The following ASAH2 variants were observed in gnomAD, a reference collection of about 807,000 sequenced individuals.
ASAH2 encodes the protein N-acylsphingosine amidohydrolase 2.
In ASAH2, 58 loss-of-function variants were observed where a neutral mutation model predicts 82.9. The ratio of observed to expected loss-of-function variants is 0.70; its 90% CI spans 0.57 to 0.87. The LOEUF (loss-of-function observed/expected upper bound fraction) is 0.87. ASAH2 is among the 40% of genes least tolerant of loss of function. The probability of loss-of-function intolerance (pLI) is 0.00; values close to 1 mark genes in which losing one functional copy is unlikely to be tolerated. For synonymous variants in ASAH2, 276 were observed against 289.7 expected (o/e 0.95, Z 0.48); for missense variants, 779 against 834.0 (o/e 0.93, Z 0.81).
chr10:50,224,192 C>G (rs921739440), intron 7 of ASAH2, among the ~76,000 whole-genome samples: 2,753 of 152,176 alleles, frequency 0.018, 35 homozygotes, highest in Middle Eastern at 0.034. Flanking sequence ...GTAGTACCTG[C>G]ATTTGACAAT....
chr10:50,238,708 C>G (rs1256243645), intron 4 of ASAH2, among the ~76,000 whole-genome samples: 5 of 152,266 alleles, frequency 3.3e-5, no homozygotes, highest in East Asian at 1.9e-4. Flanking sequence ...TCCCTAACCC[C>G]ATCCTATTTA....
At position 50,245,072 on chromosome 10, in the gene ASAH2, T is replaced by C. The variant is rs1409316917; in HGVS notation, c.360+150A>G. On this transcript the variant is annotated intron_variant, in intron 3 of 20. Coordinates refer to ENST00000682911, the MANE Select transcript of ASAH2 (RefSeq NM_019893.4). Reference sequence around the variant, plus strand: ...AAAAGTTTTCCTCTTCCTTCTAGTATGAAATTCATAGTGCTAGACAGCAGC... The same window carrying C: ...AAAAGTTTTCCTCTTCCTTCTAGTACGAAATTCATAGTGCTAGACAGCAGC... 8 of 728,240 alleles carry C rather than the reference T, an allele frequency of 1.1e-5. No individual in the cohort carries two copies. In the Admixed American group the frequency reaches 2.0e-4, roughly 19 times the overall value. 45.1% of individuals were successfully genotyped at this position (728,240 alleles called of 1,614,324 possible).
intron 4 of ASAH2, 128 bp downstream of exon 4, chr10:50,243,074 C>T (rs752926829): frequency 1.0e-5 from 11 of 1,054,698 alleles, no homozygotes; most frequent in South Asian, 1.0e-4. Context: ...TTGTCCAGAG[C>T]GTATAATATT....
At position 50,218,509 on chromosome 10, in the gene ASAH2, C is replaced by G; in HGVS notation, c.1014+1G>C. Reference sequence around the variant, plus strand: ...AAGCTTTCAATGATATAAATTCTCACCTGTCCAGGTAGATATCCTTTGTTC... The same window carrying G: ...AAGCTTTCAATGATATAAATTCTCAGCTGTCCAGGTAGATATCCTTTGTTC... On this transcript the variant is annotated splice_donor_variant, in intron 8 of 20. Coordinates refer to ENST00000682911, the MANE Select transcript of ASAH2 (RefSeq NM_019893.4). LOFTEE classifies it high-confidence loss of function. 6.2e-7 allele frequency: 1 copy of G among 1,613,654 alleles called. No individual in the cohort carries two copies.
intron 10 of ASAH2, 95 bp downstream of exon 10, chr10:50,212,877 T>C: frequency 7.9e-7 from 1 of 1,264,962 alleles, no homozygotes; most frequent in South Asian, 1.2e-5. Flanking sequence ...GCATTTGCTG[T>C]TTTCTTTAAG....
At chr10:50,215,043 T>C (rs1845557785) in intron 8 of ASAH2, among the ~76,000 whole-genome samples, 175 bp from the exon 9 acceptor site, 1 of 152,384 alleles carries the variant, frequency 6.6e-6, no homozygotes, top group Middle Eastern at 3.4e-3. Flanking sequence ...GATAGTTCCT[T>C]TTGCTGTGCA....
At chr10:50,215,057 G>A (rs898164564) in intron 8 of ASAH2, among the ~76,000 whole-genome samples, 189 bp from the exon 9 acceptor site, 59 of 152,314 alleles carry the variant, frequency 3.9e-4, no homozygotes, top group Non-Finnish European at 7.4e-4. Context: ...CTGTGCAGAA[G>A]CTCTTTAGTT....
intron 9 of ASAH2, among the ~76,000 whole-genome samples, chr10:50,214,371 AC>A (rs1165451769): frequency 1.3e-5 from 2 of 152,080 alleles, no homozygotes; most frequent in Admixed American, 6.6e-5. Flanking sequence ...TATATTAAAA[AC>A]CCTATAAACT....
chr10:50,230,039 C>T (rs1845984956), intron 7 of ASAH2, among the ~76,000 whole-genome samples: 1 of 152,052 alleles, frequency 6.6e-6, no homozygotes, highest in Non-Finnish European at 1.5e-5. Flanking sequence ...GATATGATAG[C>T]CACATTTGAA....
At chr10:50,218,678 T>C in intron 7 of ASAH2, 48 bp from the exon 8 acceptor site, 1 of 1,611,912 alleles carries the variant, frequency 6.2e-7, no homozygotes, top group Non-Finnish European at 8.5e-7. Context: ...ACGAGAGAAC[T>C]GGGGCCAAGA....
intron 12 of ASAH2, among the ~76,000 whole-genome samples, chr10:50,208,962 G>C (rs1230102086): frequency 2.0e-5 from 3 of 152,180 alleles, no homozygotes; most frequent in Admixed American, 2.0e-4. Context: ...TAGATCAATG[G>C]AATAGAATTG....
chr10:50,230,680 T>A (rs1195084878), intron 7 of ASAH2, among the ~76,000 whole-genome samples: 1 of 152,076 alleles, frequency 6.6e-6, no homozygotes, highest in East Asian at 1.9e-4. Context: ...TACAATTGCA[T>A]GTATGGAAGC....
chr10:50,243,136 C>T, intron 4 of ASAH2, 66 bp downstream of exon 4: 3 of 1,563,974 alleles, frequency 1.9e-6, no homozygotes, highest in South Asian at 1.2e-5. Flanking sequence ...TATTTCCTGT[C>T]ACATTCACCC....
intron 18 of ASAH2, among the ~76,000 whole-genome samples, chr10:50,196,033 T>C (rs1844969871): frequency 6.6e-6 from 1 of 151,838 alleles, no homozygotes; most frequent in Non-Finnish European, 1.5e-5. Context: ...TTAAAAATTG[T>C]TAAGAAAGTC....
chr10:50,226,552 ATG>A (rs1845889109), intron 7 of ASAH2, among the ~76,000 whole-genome samples: 1 of 152,110 alleles, frequency 6.6e-6, no homozygotes, highest in East Asian at 1.9e-4. Flanking sequence ...GGTGATGATG[ATG>A]TGTCAATGTA....
rs1027140510 is a variant in ASAH2, at chr10:50,204,758, T to A, written c.1625+103A>T. 298 of 914,478 alleles carry A rather than the reference T, an allele frequency of 3.3e-4. 5 individuals are homozygous for A. In the East Asian group the frequency reaches 7.7e-3, roughly 24 times the overall value. 56.6% of individuals were successfully genotyped at this position (914,478 alleles called of 1,614,324 possible). A position where few individuals can be genotyped will look rare whatever the true frequency, so the allele number is the denominator to read the frequency against. On this transcript the variant is annotated intron_variant, in intron 14 of 20. Coordinates refer to ENST00000682911, the MANE Select transcript of ASAH2 (RefSeq NM_019893.4). Reference sequence around the variant, plus strand: ...ACTGTCACCAAACAGTACAGTAGGATACCAAGGGGTCAACACAGAATGATC... The same window carrying A: ...ACTGTCACCAAACAGTACAGTAGGAAACCAAGGGGTCAACACAGAATGATC...
chr10:50,227,446 T>G (rs1845916521), intron 7 of ASAH2, among the ~76,000 whole-genome samples: 1 of 152,194 alleles, frequency 6.6e-6, no homozygotes. Flanking sequence ...AGAATGAGCT[T>G]TTAGTCATGT....
In ASAH2 at chr10:50,198,005, A is replaced by C. The variant is rs574393246; in HGVS notation, c.1857+1046T>G. On this transcript the variant is annotated intron_variant, in intron 17 of 20. Coordinates refer to ENST00000682911, the MANE Select transcript of ASAH2 (RefSeq NM_019893.4). ...GAGACCAAAATTATAATAAAATGAA[A>C]ATAAATATCAATTGATTAAAATATG... 1.0e-2 allele frequency among the ~76,000 whole-genome samples: 1,517 copies of C among 152,196 alleles called. 17 individuals are homozygous for C. The highest frequency in any genetic ancestry group is 0.035 in the African/African-American group (1,438 of 41,534).
At chr10:50,205,078 T>C in intron 13 of ASAH2, 123 bp from the exon 14 acceptor site, 1 of 624,028 alleles carries the variant, frequency 1.6e-6, no homozygotes, top group Non-Finnish European at 2.8e-6. Flanking sequence ...ATATTCTATA[T>C]GGGCATTTAT....
Sources: allele counts gnomAD v4.1 joint callset (sites outside exome capture counted in the v4.1 genomes callset), GRCh38; gene constraint gnomAD v4.1.1; transcripts MANE v1.5; gene names NCBI Gene and HGNC (gene_info 2026-07-23, HGNC 2026-07-21).